Variants in KCNH1 observed in about 807,000 individuals in gnomAD.
KCNH1 encodes the protein voltage-gated delayed rectifier potassium channel KCNH1.
Under a neutral mutation model 69.2 loss-of-function variants are expected in KCNH1, and 27 were observed. That is an observed-to-expected ratio of 0.39 (90% CI 0.29 to 0.54). KCNH1 has a LOEUF of 0.54. Ranked by LOEUF, KCNH1 falls within the 20% of genes least tolerant of loss-of-function variation. KCNH1 has a pLI of 0.68. For synonymous variants in KCNH1, 456 were observed against 487.7 expected (o/e 0.93, Z 0.86); for missense variants, 798 against 1,261.6 (o/e 0.63, Z 5.57).
chr1:210,795,033 C>A (rs1048718874), intron 9 of KCNH1, among the ~76,000 whole-genome samples: 25 of 152,214 alleles, frequency 1.6e-4, no homozygotes, highest in Non-Finnish European at 1.0e-4. Flanking sequence ...TAACTCTGGT[C>A]TGCAGGGTTC....
intron 6 of KCNH1, among the ~76,000 whole-genome samples, chr1:210,931,456 A>G (rs1377581495): frequency 1.3e-5 from 2 of 152,130 alleles, no homozygotes; most frequent in Non-Finnish European, 1.5e-5. Flanking sequence ...CACATGTGGG[A>G]GCTAAACTAT....
intron 7 of KCNH1, among the ~76,000 whole-genome samples, chr1:210,824,561 T>C (rs1282054851): frequency 6.6e-6 from 1 of 152,296 alleles, no homozygotes; most frequent in South Asian, 2.1e-4. Context: ...GACAACTAGA[T>C]TCTTATACCT....
chr1:211,020,821 CAAGA>C (rs1689574816), intron 5 of KCNH1, among the ~76,000 whole-genome samples: 1 of 151,772 alleles, frequency 6.6e-6, no homozygotes, highest in Non-Finnish European at 1.5e-5. Flanking sequence ...TCCAGAGATG[CAAGA>C]ATGACTCAAC....
At chr1:211,075,308 C>A (rs1690713684) in intron 5 of KCNH1, among the ~76,000 whole-genome samples, 1 of 152,190 alleles carries the variant, frequency 6.6e-6, no homozygotes, top group African/African-American at 2.4e-5. Context: ...TTGACAAAAG[C>A]TTCTGGTTAC....
chr1:210,978,984 C>A (rs1356808836), intron 6 of KCNH1, among the ~76,000 whole-genome samples: 1 of 152,222 alleles, frequency 6.6e-6, no homozygotes, highest in Admixed American at 6.5e-5. Flanking sequence ...TCTCTACAGT[C>A]TTTACTGCAC....
intron 9 of KCNH1, among the ~76,000 whole-genome samples, chr1:210,795,206 A>G (rs1016047457): frequency 5.9e-5 from 9 of 152,126 alleles, no homozygotes; most frequent in African/African-American, 2.2e-4. Flanking sequence ...GCCTCAGGCT[A>G]GAGTGCAGTG....
chr1:211,020,491 TAA>T (rs34530499), intron 5 of KCNH1, among the ~76,000 whole-genome samples: 9 of 149,884 alleles, frequency 6.0e-5, no homozygotes, highest in East Asian at 2.0e-4. Flanking sequence ...GAATCAGTAA[TAA>T]AAAAAAAAAT....
rs186864854 is a variant in KCNH1, at chr1:210,966,749, C to T, written c.1033-46680G>A. 5.7e-3 allele frequency among the ~76,000 whole-genome samples: 873 copies of T among 152,258 alleles called. 11 individuals carry two copies. The highest frequency in any genetic ancestry group is 0.02 in the African/African-American group (821 of 41,538). On this transcript the variant is annotated intron_variant, in intron 6 of 10. Transcript: ENST00000271751. Reference sequence around the variant, plus strand: ...TGGAGAGGAGGCAGAGAAATAGGAACGCTTTTACACTGTTGGTGGGAGTGT... The same window carrying T: ...TGGAGAGGAGGCAGAGAAATAGGAATGCTTTTACACTGTTGGTGGGAGTGT...
At position 211,037,725 on chromosome 1, in the gene KCNH1, T is replaced by C. The variant is rs1689923380; in HGVS notation, c.559-18469A>G. ...AGAGTACCTACCCTAATCCCCAAAC[T>C]ACACCTAACTAGAGTAGGAGAGCAA... On this transcript the variant is annotated intron_variant, in intron 5 of 10. Transcript: ENST00000271751. Among the ~76,000 whole-genome samples, 3 of 151,988 alleles carry C rather than the reference T, an allele frequency of 2.0e-5. No individual in the cohort carries two copies. The South Asian group carries it at 6.2e-4, about 32-fold the overall frequency.
intron 10 of KCNH1, among the ~76,000 whole-genome samples, chr1:210,714,572 T>A (rs554519936): frequency 6.6e-6 from 1 of 152,162 alleles, no homozygotes; most frequent in Admixed American, 6.5e-5. Context: ...AATATACATG[T>A]GCAGCATAAT....
chr1:210,712,158 C>G (rs1323881357), intron 10 of KCNH1, among the ~76,000 whole-genome samples: 4 of 152,190 alleles, frequency 2.6e-5, no homozygotes, highest in Admixed American at 2.6e-4. Flanking sequence ...GCCCTATATT[C>G]AAAATAGTAA....
chr1:210,838,696 T>G (rs1445581123), intron 7 of KCNH1, among the ~76,000 whole-genome samples: 1 of 152,112 alleles, frequency 6.6e-6, no homozygotes, highest in Non-Finnish European at 1.5e-5. Flanking sequence ...CCAGCATCTA[T>G]AAGAAACTTA....
chr1:210,859,260 T>C (rs748034622), intron 7 of KCNH1: 33 of 1,610,184 alleles, frequency 2.0e-5, no homozygotes, highest in Admixed American at 6.7e-5. Flanking sequence ...TGCTTCTCAA[T>C]CATTTTGGAT....
chr1:210,989,631 G>T (rs998473098), intron 6 of KCNH1, among the ~76,000 whole-genome samples: 3 of 152,136 alleles, frequency 2.0e-5, no homozygotes, highest in Non-Finnish European at 4.4e-5. Flanking sequence ...AGAAAAAGCT[G>T]CCAAGCAGTT....
At chr1:210,825,366 T>A (rs1376082346) in intron 7 of KCNH1, among the ~76,000 whole-genome samples, 1 of 152,202 alleles carries the variant, frequency 6.6e-6, no homozygotes, top group Non-Finnish European at 1.5e-5. Flanking sequence ...CACAAATTAA[T>A]AATTTATATT....
intron 10 of KCNH1, among the ~76,000 whole-genome samples, chr1:210,741,166 G>A (rs905027269): frequency 7.2e-5 from 11 of 152,112 alleles, no homozygotes; most frequent in Non-Finnish European, 1.6e-4. Context: ...ATAAGAAGAA[G>A]TGCTTTCTGA....
chr1:211,071,650 C>T (rs893730572), intron 5 of KCNH1, among the ~76,000 whole-genome samples: 20 of 152,092 alleles, frequency 1.3e-4, no homozygotes, highest in Middle Eastern at 3.4e-3. Flanking sequence ...TTATATTTTA[C>T]GATAATAATA....
intron 10 of KCNH1, among the ~76,000 whole-genome samples, chr1:210,718,391 T>TGC (rs368962170): frequency 1.1e-3 from 1 of 878 alleles, no homozygotes. Context: ...TATATTTATA[T>TGC]ATAAAATATA....
intron 3 of KCNH1, among the ~76,000 whole-genome samples, chr1:211,095,714 T>G (rs1469998093): frequency 6.6e-6 from 1 of 152,154 alleles, no homozygotes; most frequent in Admixed American, 6.5e-5. Context: ...AGGGTTGACC[T>G]CTAACAGGTC....
Sources: allele counts gnomAD v4.1 joint callset (sites outside exome capture counted in the v4.1 genomes callset), GRCh38; gene constraint gnomAD v4.1.1; transcripts MANE v1.5; gene names NCBI Gene and HGNC (gene_info 2026-07-23, HGNC 2026-07-21).